The following LRMDA variants were observed in gnomAD, a reference collection of about 807,000 sequenced individuals.
LRMDA encodes the protein leucine rich melanocyte differentiation associated.
A neutral mutation model predicts 29.8 loss-of-function variants in LRMDA; 18 were observed. The ratio of observed to expected loss-of-function variants is 0.60; its 90% CI spans 0.42 to 0.90. The LOEUF (loss-of-function observed/expected upper bound fraction) is 0.90, where lower values mean the gene tolerates loss of function less well. Ranked by LOEUF, LRMDA falls within the 40% of genes least tolerant of loss-of-function variation. The pLI is 0.00. For missense variants in LRMDA, 273 were observed against 273.9 expected (o/e 1.00, Z 0.02); for synonymous variants, 125 against 109.4 (o/e 1.14, Z -0.89).
At chr10:75,845,699 G>A (rs1844622258) in intron 2 of LRMDA, among the ~76,000 whole-genome samples, 1 of 152,118 alleles carries the variant, frequency 6.6e-6, no homozygotes, top group Admixed American at 6.6e-5. Flanking sequence ...TTTGATTATG[G>A]CTCCCCCCTG....
At chr10:75,629,182 G>T (rs1369359317) in intron 2 of LRMDA, among the ~76,000 whole-genome samples, 1 of 152,202 alleles carries the variant, frequency 6.6e-6, no homozygotes, top group Non-Finnish European at 1.5e-5. Context: ...TCTCATCTGA[G>T]AAGAAAAGCT....
At chr10:76,503,887 T>G (rs914422173) in intron 6 of LRMDA, among the ~76,000 whole-genome samples, 1 of 151,492 alleles carries the variant, frequency 6.6e-6, no homozygotes, top group Admixed American at 6.6e-5. Context: ...TGGTTCTTTT[T>G]TTTTTTTAAG....
rs1844306039 is a variant in LRMDA at position 75,829,691 on chromosome 10, T to A, written c.132-206317T>A. Among the ~76,000 whole-genome samples the A allele has an allele frequency of 5.3e-5, 8 of 152,136 alleles. 1 individual carries two copies. In the South Asian group the frequency reaches 1.7e-3, roughly 32 times the overall value. The stretch of plus-strand genomic sequence containing the variant: ...AAGATTCAGATATGTTAATTAAGTC[T>A]ATCTATACTTCCCCTGGCTTGTATA... On this transcript the variant is annotated intron_variant, in intron 2 of 6. Transcript: ENST00000611255.
At chr10:75,918,416 G>A (rs10824348) in intron 2 of LRMDA, among the ~76,000 whole-genome samples, 77,820 of 151,830 alleles carry the variant, frequency 0.51, 20,274 homozygotes, top group South Asian at 0.69. Context: ...AAGAGGGAGC[G>A]GGCACATCAC....
intron 5 of LRMDA, among the ~76,000 whole-genome samples, chr10:76,159,983 G>A (rs963723502): frequency 4.6e-5 from 7 of 152,006 alleles, no homozygotes; most frequent in Admixed American, 2.6e-4. Context: ...TAAACCCATG[G>A]AATGTACAAC....
chr10:76,037,025 A>G (rs1848260461), intron 3 of LRMDA, among the ~76,000 whole-genome samples: 1 of 152,150 alleles, frequency 6.6e-6, no homozygotes, highest in Non-Finnish European at 1.5e-5. Flanking sequence ...TTCCTTATTG[A>G]GCACTCCTAG....
chr10:76,021,345 T>C (rs1249289486), intron 2 of LRMDA, among the ~76,000 whole-genome samples: 4 of 152,226 alleles, frequency 2.6e-5, no homozygotes, highest in African/African-American at 9.6e-5. Context: ...ACTCAATCTT[T>C]CTGCAGATCT....
chr10:76,423,510 T>C (rs1296643167), intron 6 of LRMDA, among the ~76,000 whole-genome samples: 1 of 152,244 alleles, frequency 6.6e-6, no homozygotes, highest in Non-Finnish European at 1.5e-5. Flanking sequence ...GGCATAGCAA[T>C]CATACCCTTT....
intron 2 of LRMDA, among the ~76,000 whole-genome samples, chr10:75,590,543 TCA>T (rs1159084476): frequency 4.6e-5 from 7 of 152,112 alleles, no homozygotes; most frequent in African/African-American, 1.7e-4. Context: ...CAAAAAGAAA[TCA>T]CAGTGCGGGA....
chr10:75,625,189 A>G (rs1589138640), intron 2 of LRMDA, among the ~76,000 whole-genome samples: 1 of 152,318 alleles, frequency 6.6e-6, no homozygotes, highest in East Asian at 1.9e-4. Flanking sequence ...TGATGCTGTG[A>G]TAATAGTTAA....
chr10:76,008,717 A>G (rs754490784), intron 2 of LRMDA, among the ~76,000 whole-genome samples: 4 of 152,218 alleles, frequency 2.6e-5, no homozygotes, highest in Non-Finnish European at 4.4e-5. Context: ...GCCTCTGAAG[A>G]TGGAAGCAAT....
chr10:76,533,495 C>T (rs759121396), intron 6 of LRMDA, among the ~76,000 whole-genome samples: 1 of 152,170 alleles, frequency 6.6e-6, no homozygotes, highest in Non-Finnish European at 1.5e-5. Context: ...CACACCCATG[C>T]TGGCCTCCAA....
intron 2 of LRMDA, among the ~76,000 whole-genome samples, chr10:75,462,464 T>C (rs1296566328): frequency 1.3e-5 from 2 of 152,248 alleles, no homozygotes; most frequent in East Asian, 3.8e-4. Flanking sequence ...CCTTCTTGGC[T>C]GTCATTGTCT....
intron 2 of LRMDA, among the ~76,000 whole-genome samples, chr10:75,595,579 TA>T (rs1840776412): frequency 6.7e-6 from 1 of 149,118 alleles, no homozygotes; most frequent in South Asian, 2.1e-4. Context: ...ATAATATATA[TA>T]ATTATAATTT....
At chr10:76,505,341 C>T (rs1842948149) in intron 6 of LRMDA, among the ~76,000 whole-genome samples, 1 of 151,992 alleles carries the variant, frequency 6.6e-6, no homozygotes, top group African/African-American at 2.4e-5. Flanking sequence ...CTTGAATTTG[C>T]ATGCCAGCCT....
chr10:75,507,443 A>C (rs1324234384), intron 2 of LRMDA, among the ~76,000 whole-genome samples: 2 of 152,182 alleles, frequency 1.3e-5, no homozygotes, highest in Non-Finnish European at 2.9e-5. Context: ...CAGCTAGGTG[A>C]AAGGAAGTAG....
chr10:75,983,080 T>C (rs1055334298), intron 2 of LRMDA, among the ~76,000 whole-genome samples: 1 of 152,184 alleles, frequency 6.6e-6, no homozygotes, highest in Non-Finnish European at 1.5e-5. Flanking sequence ...AGGACCACAT[T>C]GCCTCCTTTG....
chr10:75,567,680 C>T (rs1159692872), intron 2 of LRMDA, among the ~76,000 whole-genome samples: 1 of 152,068 alleles, frequency 6.6e-6, no homozygotes, highest in African/African-American at 2.4e-5. Flanking sequence ...GGCAAAAGAA[C>T]CAGTGACTTA....
chr10:75,722,259 C>A (rs1446122439), intron 2 of LRMDA, among the ~76,000 whole-genome samples: 1 of 152,082 alleles, frequency 6.6e-6, no homozygotes, highest in East Asian at 1.9e-4. Context: ...TACCAGAATG[C>A]ATTGCTGTTG....
Sources: gnomAD v4.1 joint callset for allele counts (sites outside exome capture counted in the v4.1 genomes callset) on GRCh38, gnomAD v4.1.1 for gene constraint, MANE v1.5 for transcripts, NCBI Gene and HGNC (gene_info 2026-07-23, HGNC 2026-07-21) for gene names.